CFAP46: variants seen among roughly 807,000 people sequenced by gnomAD.
The protein encoded by CFAP46 is cilia- and flagella-associated protein 46.
In CFAP46, 245 loss-of-function variants were observed where a neutral mutation model predicts 325.7. The observed-to-expected ratio is 0.75, with a 90% confidence interval of 0.68 to 0.84. The LOEUF (loss-of-function observed/expected upper bound fraction) is 0.84, where lower values mean the gene tolerates loss of function less well. Ranked by LOEUF, CFAP46 falls within the 40% of genes least tolerant of loss-of-function variation. CFAP46 has a pLI of 0.00. For missense variants in CFAP46, 3,346 were observed against 3,543.0 expected (o/e 0.94, Z 1.41); for synonymous variants, 1,523 against 1,495.9 (o/e 1.02, Z -0.42).
chr10:132,927,752 C>T (rs921713637), intron 9 of CFAP46, among the ~76,000 whole-genome samples: 3 of 152,264 alleles, frequency 2.0e-5, no homozygotes, highest in Non-Finnish European at 4.4e-5. Flanking sequence ...AAATGTATTA[C>T]AGTGGATAGT....
At chr10:132,824,067 GTGC>G (rs1328978326) in intron 50 of CFAP46, among the ~76,000 whole-genome samples, 2 of 134,248 alleles carry the variant, frequency 1.5e-5, no homozygotes, top group Admixed American at 1.5e-4. Context: ...GTGCTGATGT[GTGC>G]TGATGTGTGC....
Position 132,912,775 on chromosome 10 carries a change from G to T in CFAP46, c.2379C>A (p.Gly793=), listed in dbSNP as rs1849573452. The T allele has an allele frequency of 6.5e-7, 1 of 1,550,156 alleles. No homozygotes were observed. The highest frequency in any genetic ancestry group is 2.4e-5 in the East Asian group (1 of 40,914). ...GGACTGGAATCCAGCTGATGATCAG[G>T]CCTCGCGCCAAGGTGTTGCAGAGCG... The part of the protein sequence containing the change: ...LVTLCNTLAR[G]LIISWIPVQA... Residue 793 remains glycine, a synonymous_variant, in exon 19 of 58, where the codon GGC becomes GGA. Coordinates refer to ENST00000368586, the MANE Select transcript of CFAP46 (RefSeq NM_001200049.3).
At chr10:132,888,249 T>C (rs541365869) in intron 25 of CFAP46, among the ~76,000 whole-genome samples, 3 of 151,696 alleles carry the variant, frequency 2.0e-5, no homozygotes, top group African/African-American at 7.3e-5. Flanking sequence ...TTCCTGGCTG[T>C]CTCCACACCC....
intron 50 of CFAP46, among the ~76,000 whole-genome samples, chr10:132,824,863 C>G (rs1319838368): frequency 1.2e-4 from 15 of 123,608 alleles, no homozygotes; most frequent in South Asian, 2.8e-4. Context: ...TGTGTGTGTG[C>G]TGATGTGTGC....
chr10:132,824,060 C>G (rs1847969314), intron 50 of CFAP46, among the ~76,000 whole-genome samples: 1 of 105,118 alleles, frequency 9.5e-6, no homozygotes, highest in Non-Finnish European at 1.8e-5. Flanking sequence ...GCTGTGTGTG[C>G]TGATGTGTGC....
At chr10:132,935,368 C>T (rs1218208481) in intron 7 of CFAP46, among the ~76,000 whole-genome samples, 1 of 143,198 alleles carries the variant, frequency 7.0e-6, no homozygotes, top group African/African-American at 2.7e-5. Context: ...CCCCTTGGCA[C>T]CCAAACACAC....
chr10:132,883,812 G>C lies in CFAP46; in HGVS notation c.3627+1291C>G, dbSNP rs550753941. Among the ~76,000 whole-genome samples the C allele has an allele frequency of 2.0e-5, 3 of 152,320 alleles. No homozygotes were observed. The South Asian group carries it at 6.2e-4, about 32-fold the overall frequency. Reference sequence around the variant, plus strand: ...CCTGGGCGATGTCATGCTGCATGAAGGACCACGTAATGCTTGGCTCTGTTT... The same window carrying C: ...CCTGGGCGATGTCATGCTGCATGAACGACCACGTAATGCTTGGCTCTGTTT... On this transcript the variant is annotated intron_variant, in intron 27 of 57. Transcript: ENST00000368586.
chr10:132,853,951 G>C (rs370484075), intron 39 of CFAP46, among the ~76,000 whole-genome samples: 1 of 152,044 alleles, frequency 6.6e-6, no homozygotes. Flanking sequence ...TCTTTTCAAA[G>C]AACTAGCTTT....
chr10:132,930,124 C>A (rs142760478), intron 8 of CFAP46, among the ~76,000 whole-genome samples: 1 of 152,120 alleles, frequency 6.6e-6, no homozygotes, highest in Non-Finnish European at 1.5e-5. Context: ...ACAGGGATGA[C>A]GACATGCGTA....
chr10:132,895,850 G>T (rs138129797), intron 24 of CFAP46, among the ~76,000 whole-genome samples: 1 of 152,252 alleles, frequency 6.6e-6, no homozygotes, highest in Non-Finnish European at 1.5e-5. Context: ...CAATGAAGTT[G>T]GTGCACTTTA....
At position 132,886,052 on chromosome 10, in the gene CFAP46, C is replaced by G; in HGVS notation, c.3305-93G>C. Reference sequence around the variant, plus strand: ...CCAGACTAAGCTGCCCATCACAGTGCCCCTGAGGTGGAACCGCGGCTACAG... The same window carrying G: ...CCAGACTAAGCTGCCCATCACAGTGGCCCTGAGGTGGAACCGCGGCTACAG... On this transcript the variant is annotated intron_variant, in intron 25 of 57. Coordinates refer to ENST00000368586, the MANE Select transcript of CFAP46 (RefSeq NM_001200049.3). This position sits in a 1 kb window ranked among gnomAD's most constrained non-coding sequence, Gnocchi z 5.8. 1 of 1,466,468 alleles carries G rather than the reference C, an allele frequency of 6.8e-7. No individual in the cohort carries two copies. Among genetic ancestry groups the G allele is most frequent in the Non-Finnish European group, 9.2e-7 (1 of 1,086,878 alleles). 90.8% of individuals were successfully genotyped at this position (1,466,468 alleles called of 1,614,324 possible).
At chr10:132,912,596 TC>T (rs372421015) in intron 19 of CFAP46, 58 bp downstream of exon 19, 272 of 1,321,776 alleles carry the variant, frequency 2.1e-4, no homozygotes, top group Admixed American at 1.2e-3. Context: ...TCTCTCTCTC[TC>T]CTCTCTCCTC....
chr10:132,837,600 C>T (rs957898079), intron 44 of CFAP46, among the ~76,000 whole-genome samples: 7 of 97,526 alleles, frequency 7.2e-5, no homozygotes, highest in Admixed American at 2.4e-4. Context: ...CAGATGCGCA[C>T]GGACACACGC....
intron 8 of CFAP46, among the ~76,000 whole-genome samples, chr10:132,931,226 A>G (rs1418500351): frequency 2.1e-5 from 1 of 46,922 alleles, no homozygotes; most frequent in Non-Finnish European, 3.9e-5. Context: ...CACTCCCCAC[A>G]CAGAGCCTGG....
chr10:132,913,290 C>A, intron 17 of CFAP46, 32 bp from the exon 18 acceptor site: 1 of 1,526,580 alleles, frequency 6.6e-7, no homozygotes, highest in Non-Finnish European at 8.9e-7. Flanking sequence ...GCCCTTAATG[C>A]AGGGTCCCCA....
chr10:132,837,039 C>G (rs1375570520), intron 44 of CFAP46, 125 bp from the exon 45 acceptor site: 4 of 713,374 alleles, frequency 5.6e-6, no homozygotes, highest in Non-Finnish European at 9.5e-6. Flanking sequence ...CCTTCCTGCC[C>G]GAGGCTGGGC....
chr10:132,899,186 A>G, intron 23 of CFAP46, 65 bp from the exon 24 acceptor site: 2 of 1,487,134 alleles, frequency 1.3e-6, no homozygotes, highest in Admixed American at 2.2e-5. Context: ...CTGGACCAGG[A>G]GGGACAGGAA....
Position 132,877,876 on chromosome 10 carries a change from A to T in CFAP46, c.4212+5T>A, listed in dbSNP as rs1457933829. On this transcript the variant is annotated splice_donor_5th_base_variant and intron_variant, in intron 30 of 57. Coordinates refer to ENST00000368586, the MANE Select transcript of CFAP46 (RefSeq NM_001200049.3). The surrounding 1 kb of genome is among the most constrained non-coding windows in gnomAD (Gnocchi z 5.7). The stretch of plus-strand genomic sequence containing the variant: ...GCCTCTGCACCGTGGCCACTTGGGC[A>T]TCACCTGCTTGGGCTCCTTGACTTT... 6.5e-7 allele frequency: 1 copy of T among 1,548,048 alleles called. No individual in the cohort carries two copies. Among genetic ancestry groups the T allele is most frequent in the South Asian group, 1.2e-5 (1 of 83,790 alleles).
At chr10:132,822,221 CTGTGTGCGGTGATGTGTGCTG>C (rs1182900674) in intron 50 of CFAP46, among the ~76,000 whole-genome samples, 1,523 of 117,924 alleles carry the variant, frequency 0.013, 27 homozygotes, top group Non-Finnish European at 0.018. Context: ...CTGATGTGTG[CTGTGTGCGGTGATGTGTGCTG>C]TGTGTGCGCT....
Sources: gnomAD v4.1 joint callset for allele counts (sites outside exome capture counted in the v4.1 genomes callset) on GRCh38, gnomAD v4.1.1 for gene constraint, Gnocchi (gnomAD v3.1) non-coding constraint, MANE v1.5 for transcripts, NCBI Gene and HGNC (gene_info 2026-07-23, HGNC 2026-07-21) for gene names.